Variants in MAST4 observed in about 807,000 individuals in gnomAD.
MAST4 encodes the protein microtubule associated serine/threonine kinase family member 4, also known as microtubule-associated serine/threonine-protein kinase 4.
In MAST4, 89 loss-of-function variants were observed where a neutral mutation model predicts 162.7. The observed-to-expected ratio is 0.55, with a 90% CI of 0.46 to 0.65. MAST4 has a LOEUF of 0.65. Among genes scored for constraint, MAST4 ranks in the 30% least tolerant of loss-of-function variants. MAST4 has a pLI of 0.00. For synonymous variants in MAST4, 1,479 were observed against 1,361.1 expected (o/e 1.09, Z -1.91); for missense variants, 3,153 against 3,374.0 (o/e 0.93, Z 1.62).
At chr5:66,675,620 C>A (rs974215308) in intron 1 of MAST4, among the ~76,000 whole-genome samples, 2 of 152,118 alleles carry the variant, frequency 1.3e-5, no homozygotes, top group Admixed American at 6.5e-5. Context: ...TCCTGGGCTC[C>A]TTAATGACTT....
At chr5:66,847,507 G>A (rs753731218) in intron 3 of MAST4, among the ~76,000 whole-genome samples, 1 of 152,114 alleles carries the variant, frequency 6.6e-6, no homozygotes, top group Non-Finnish European at 1.5e-5. Flanking sequence ...GGTAGTGGAC[G>A]CCTGTAATTC....
At chr5:67,032,288 C>T (rs927737063) in intron 4 of MAST4, among the ~76,000 whole-genome samples, 6 of 152,130 alleles carry the variant, frequency 3.9e-5, no homozygotes, top group Admixed American at 6.6e-5. Context: ...GAAACTTCCA[C>T]TAATTTGAGA....
At chr5:66,684,958 A>G (rs1370204384) in intron 1 of MAST4, among the ~76,000 whole-genome samples, 1 of 152,144 alleles carries the variant, frequency 6.6e-6, no homozygotes, top group Non-Finnish European at 1.5e-5. Context: ...GTTGGGCATG[A>G]GTATTTATAA....
At chr5:67,076,694 A>G (rs744288) in intron 5 of MAST4, among the ~76,000 whole-genome samples, 2,184 of 152,224 alleles carry the variant, frequency 0.014, 32 homozygotes, top group African/African-American at 0.037. Flanking sequence ...CCTGGGCTCC[A>G]CCTCCATCAA....
At chr5:66,960,083 C>T (rs1745825554) in intron 4 of MAST4, among the ~76,000 whole-genome samples, 2 of 152,180 alleles carry the variant, frequency 1.3e-5, no homozygotes, top group South Asian at 2.1e-4. Context: ...ATCCGGTAGA[C>T]AAACATAAAT....
chr5:67,070,994 A>G (rs1760903241), intron 5 of MAST4, among the ~76,000 whole-genome samples: 1 of 152,220 alleles, frequency 6.6e-6, no homozygotes, highest in Admixed American at 6.5e-5. Context: ...ACTTTCCAGT[A>G]TTAAACATCC....
intron 1 of MAST4, among the ~76,000 whole-genome samples, chr5:66,727,234 T>C (rs1230040301): frequency 6.6e-6 from 1 of 152,210 alleles, no homozygotes; most frequent in Non-Finnish European, 1.5e-5. Context: ...TCATAAAATA[T>C]GTTGCTGAAA....
intron 1 of MAST4, among the ~76,000 whole-genome samples, chr5:66,694,676 G>A (rs1749281613): frequency 6.6e-6 from 1 of 151,922 alleles, no homozygotes; most frequent in Non-Finnish European, 1.5e-5. Flanking sequence ...TAGTAGAGAT[G>A]GGTTTTCGCC....
At chr5:66,836,419 T>C (rs1294488172) in intron 3 of MAST4, among the ~76,000 whole-genome samples, 3 of 152,134 alleles carry the variant, frequency 2.0e-5, no homozygotes, top group South Asian at 2.1e-4. Flanking sequence ...AGAACTACCA[T>C]TTGACCCAGC....
chr5:66,860,478 T>G (rs2149837353), intron 3 of MAST4, among the ~76,000 whole-genome samples: 1 of 152,322 alleles, frequency 6.6e-6, no homozygotes, highest in African/African-American at 2.4e-5. Flanking sequence ...CATGGAATAC[T>G]CCTTATTCCT....
chr5:66,598,034 C>T (rs904166812), intron 1 of MAST4, among the ~76,000 whole-genome samples: 1 of 152,158 alleles, frequency 6.6e-6, no homozygotes, highest in Non-Finnish European at 1.5e-5. Flanking sequence ...TTGTATTTTC[C>T]TCATCTTGGA....
chr5:66,815,563 G>C (rs576288601), intron 3 of MAST4, among the ~76,000 whole-genome samples: 3 of 152,204 alleles, frequency 2.0e-5, no homozygotes, highest in Non-Finnish European at 4.4e-5. Context: ...CTTATCCCTG[G>C]AGTGTAAGGG....
intron 3 of MAST4, among the ~76,000 whole-genome samples, chr5:66,861,484 A>G (rs1270294711): frequency 2.6e-5 from 4 of 152,232 alleles, no homozygotes; most frequent in Non-Finnish European, 4.4e-5. Context: ...TCTGCTAGGC[A>G]TGTAGAGCCA....
chr5:66,857,054 C>T (rs1759739495), intron 3 of MAST4, among the ~76,000 whole-genome samples: 2 of 152,054 alleles, frequency 1.3e-5, no homozygotes, highest in Admixed American at 6.5e-5. Flanking sequence ...GGACCGAAAA[C>T]CCCTCCTCAG....
intron 4 of MAST4, among the ~76,000 whole-genome samples, chr5:66,966,088 C>T (rs1746691604): frequency 6.6e-6 from 1 of 152,170 alleles, no homozygotes; most frequent in East Asian, 1.9e-4. Flanking sequence ...CTACGTGAGA[C>T]AGAAATGAAT....
At chr5:66,952,973 C>T (rs1279098158) in intron 4 of MAST4, among the ~76,000 whole-genome samples, 1 of 152,124 alleles carries the variant, frequency 6.6e-6, no homozygotes, top group Non-Finnish European at 1.5e-5. Flanking sequence ...TATAGATGTA[C>T]CTTTCTGTCT....
chr5:66,768,194 T>C (rs969265868), intron 2 of MAST4, among the ~76,000 whole-genome samples: 1 of 152,070 alleles, frequency 6.6e-6, no homozygotes, highest in African/African-American at 2.4e-5. Flanking sequence ...GCTGGAAGGG[T>C]ATGAAGGGTC....
At chr5:67,078,730 A>G (rs1027251656) in intron 5 of MAST4, among the ~76,000 whole-genome samples, 41 of 135,056 alleles carry the variant, frequency 3.0e-4, no homozygotes, top group African/African-American at 1.0e-3. Flanking sequence ...TTATATTTAT[A>G]TTTATCTAAA....
At chr5:66,837,263 G>C (rs1031442498) in intron 3 of MAST4, among the ~76,000 whole-genome samples, 1 of 152,058 alleles carries the variant, frequency 6.6e-6, no homozygotes, top group African/African-American at 2.4e-5. Flanking sequence ...TTAACGTTGA[G>C]AACGTATTTT....
Sources: gnomAD v4.1 joint callset for allele counts (sites outside exome capture counted in the v4.1 genomes callset) on GRCh38, gnomAD v4.1.1 for gene constraint, MANE v1.5 for transcripts, NCBI Gene and HGNC (gene_info 2026-07-23, HGNC 2026-07-21) for gene names.